ARIH2: variants seen among roughly 807,000 people sequenced by gnomAD.
ARIH2 encodes E3 ubiquitin-protein ligase ARIH2.
In ARIH2, 12 loss-of-function variants were observed where a neutral mutation model predicts 79.8. The observed-to-expected ratio is 0.15, with a 90% CI of 0.10 to 0.24. ARIH2 has a LOEUF of 0.24. Ranked by LOEUF, ARIH2 falls within the 10% of genes least tolerant of loss-of-function variation. The pLI is 1.00. For missense variants in ARIH2, 301 were observed against 618.3 expected (o/e 0.49, Z 5.44); for synonymous variants, 224 against 213.9 (o/e 1.05, Z -0.41).
Position 48,918,932 on chromosome 3 carries a change from T to G in ARIH2, c.-228T>G. On this transcript the variant is annotated 5_prime_UTR_variant, in exon 1 of 16. Transcript: ENST00000356401. The stretch of plus-strand genomic sequence containing the variant: ...CCGCTGCCGCTTCGCCCCAATCCGG[T>G]CCCTCTGGCCCGGCCTGACCCGGTC... 6.3e-7 allele frequency: 1 copy of G among 1,589,296 alleles called. No homozygotes were observed. The highest frequency in any genetic ancestry group is 8.5e-7 in the Non-Finnish European group (1 of 1,172,538).
At chr3:48,943,848 T>C (rs142892691) in intron 3 of ARIH2, among the ~76,000 whole-genome samples, 89 of 152,304 alleles carry the variant, frequency 5.8e-4, no homozygotes, top group African/African-American at 2.0e-3. Context: ...TAGCTGGTTA[T>C]TTGGCATTCC....
At chr3:48,956,080 TGAGA>T (rs889550647) in intron 3 of ARIH2, among the ~76,000 whole-genome samples, 16 of 152,146 alleles carry the variant, frequency 1.1e-4, no homozygotes, top group African/African-American at 3.1e-4. Flanking sequence ...AGTAGATTTT[TGAGA>T]GAGAGAGTCT....
At chr3:48,961,742 G>T in intron 4 of ARIH2, 63 bp downstream of exon 4, 1 of 1,141,366 alleles carries the variant, frequency 8.8e-7, no homozygotes. Context: ...GGTGATTATT[G>T]TTTACATTTT....
At chr3:48,935,758 C>A (rs1236883500) in intron 3 of ARIH2, among the ~76,000 whole-genome samples, 1 of 152,048 alleles carries the variant, frequency 6.6e-6, no homozygotes, top group East Asian at 1.9e-4. Flanking sequence ...ATGGTAGAAG[C>A]GGGGCAAAAG....
intron 3 of ARIH2, among the ~76,000 whole-genome samples, chr3:48,940,369 A>G (rs2087914898): frequency 6.6e-6 from 1 of 152,084 alleles, no homozygotes; most frequent in Non-Finnish European, 1.5e-5. Context: ...AGATAGATAG[A>G]TAGATTAGAT....
At chr3:48,953,875 AT>A (rs2090280201) in intron 3 of ARIH2, among the ~76,000 whole-genome samples, 1 of 147,036 alleles carries the variant, frequency 6.8e-6, no homozygotes, top group African/African-American at 2.5e-5. Flanking sequence ...TAAAAAAAAA[AT>A]GTTTTGGCTG....
intron 3 of ARIH2, among the ~76,000 whole-genome samples, chr3:48,957,208 A>G (rs1220420554): frequency 6.6e-6 from 1 of 152,234 alleles, no homozygotes; most frequent in East Asian, 1.9e-4. Context: ...TGGCTTCAGT[A>G]GAGGGTTATG....
intron 11 of ARIH2, among the ~76,000 whole-genome samples, chr3:48,978,356 A>T (rs2092613273): frequency 6.9e-6 from 1 of 145,836 alleles, no homozygotes; most frequent in Non-Finnish European, 1.5e-5. Flanking sequence ...AGGTTCAACC[A>T]GTTCTCGTGC....
At position 48,918,922 on chromosome 3, in the gene ARIH2, C is replaced by T; in HGVS notation, c.-238C>T. On this transcript the variant is annotated 5_prime_UTR_variant, in exon 1 of 16. Transcript: ENST00000356401. The stretch of plus-strand genomic sequence containing the variant: ...CCCGCCGCCTCCGCTGCCGCTTCGC[C>T]CCAATCCGGTCCCTCTGGCCCGGCC... The T allele has an allele frequency of 6.3e-7, 1 of 1,596,934 alleles. No homozygotes were observed.
At position 48,983,313 on chromosome 3, in the gene ARIH2, A is replaced by G. The variant is rs2092816460; in HGVS notation, c.*43A>G. ...CCGGGGTGAGGAAGATGTGGCTGCAAGGTCTCCCGGCTGCCATACTGCATG... is the reference window on the plus strand; with the variant it reads ...CCGGGGTGAGGAAGATGTGGCTGCAGGGTCTCCCGGCTGCCATACTGCATG... On this transcript the variant is annotated 3_prime_UTR_variant, in exon 16 of 16. Coordinates refer to ENST00000356401, the MANE Select transcript of ARIH2 (RefSeq NM_006321.4). 6.3e-7 allele frequency: 1 copy of G among 1,597,956 alleles called. No individual in the cohort carries two copies. Among genetic ancestry groups the G allele is most frequent in the Non-Finnish European group, 8.6e-7 (1 of 1,166,008 alleles).
At chr3:48,940,167 C>CT (rs779648648) in intron 3 of ARIH2, among the ~76,000 whole-genome samples, 19 of 151,808 alleles carry the variant, frequency 1.3e-4, no homozygotes, top group Non-Finnish European at 2.8e-4. Context: ...GATCGCGCCA[C>CT]TGCACTCCAG....
At chr3:48,928,829 G>GTT (rs539239742) in intron 3 of ARIH2, among the ~76,000 whole-genome samples, 1 of 144,454 alleles carries the variant, frequency 6.9e-6, no homozygotes, top group African/African-American at 2.5e-5. Flanking sequence ...AAGCTAAGTT[G>GTT]TTTTTTTTTT....
At chr3:48,954,721 A>G (rs1469076333) in intron 3 of ARIH2, among the ~76,000 whole-genome samples, 1 of 152,220 alleles carries the variant, frequency 6.6e-6, no homozygotes, top group Non-Finnish European at 1.5e-5. Flanking sequence ...TTTGCTGGAA[A>G]CAGTAACCTA....
At chr3:48,921,943 G>A (rs994767531) in intron 1 of ARIH2, among the ~76,000 whole-genome samples, 1 of 151,998 alleles carries the variant, frequency 6.6e-6, no homozygotes, top group Non-Finnish European at 1.5e-5. Flanking sequence ...AATGAGCCAC[G>A]ACAGCATGAG....
At chr3:48,939,777 CAAAAACA>C (rs1559749912) in intron 3 of ARIH2, among the ~76,000 whole-genome samples, 9 of 127,554 alleles carry the variant, frequency 7.1e-5, no homozygotes, top group African/African-American at 2.7e-4. Flanking sequence ...AAAAAAAAAA[CAAAAACA>C]AAAAAACAAA....
In ARIH2 at chr3:48,981,683, C is replaced by T. The variant is rs1174849842; in HGVS notation, c.1281C>T (p.Thr427=). Reference sequence around the variant, plus strand: ...AGTGTCGATACACCCTGCAATACACCTACCCATATGCATATTACATGGAGT... The same window carrying T: ...AGTGTCGATACACCCTGCAATACACTTACCCATATGCATATTACATGGAGT... ...LAKCRYTLQY[T]YPYAYYMESG... Residue 427 remains threonine, a synonymous_variant, in exon 14 of 16, where the codon ACC becomes ACT. Coordinates refer to ENST00000356401, the MANE Select transcript of ARIH2 (RefSeq NM_006321.4). The T allele has an allele frequency of 1.2e-6, 2 of 1,613,924 alleles. No homozygotes were observed. The highest frequency in any genetic ancestry group is 1.7e-5 in the Admixed American group (1 of 60,016).
intron 11 of ARIH2, 178 bp downstream of exon 11, chr3:48,975,157 C>G: frequency 9.5e-7 from 1 of 1,049,694 alleles, no homozygotes; most frequent in Non-Finnish European, 1.4e-6. Context: ...GTTTTTTGGT[C>G]CCTCTTATAA....
At chr3:48,936,456 A>G (rs1311843262) in intron 3 of ARIH2, among the ~76,000 whole-genome samples, 1 of 152,228 alleles carries the variant, frequency 6.6e-6, no homozygotes, top group African/African-American at 2.4e-5. Context: ...GATTTCCACC[A>G]GGCACAGTGG....
intron 13 of ARIH2, 50 bp from the exon 14 acceptor site, chr3:48,981,610 G>A: frequency 6.6e-7 from 1 of 1,516,530 alleles, no homozygotes. Context: ...CTGAGATGCA[G>A]GTAGCTTAGA....
Sources: gnomAD v4.1 joint callset for allele counts (sites outside exome capture counted in the v4.1 genomes callset) on GRCh38, gnomAD v4.1.1 for gene constraint, MANE v1.5 for transcripts, NCBI Gene and HGNC (gene_info 2026-07-23, HGNC 2026-07-21) for gene names.